MMP16: variants seen among roughly 807,000 people sequenced by gnomAD.
The protein encoded by MMP16 is matrix metallopeptidase 16, also known as matrix metalloproteinase-16.
MMP16 carries 12 observed loss-of-function variants against 67.8 expected under a neutral mutation model. The ratio of observed to expected loss-of-function variants is 0.18; its 90% CI spans 0.11 to 0.29. MMP16 has a LOEUF of 0.29. MMP16 is among the 10% of genes least tolerant of loss of function. The pLI, the probability that MMP16 is intolerant of heterozygous loss-of-function variation, is 1.00. For synonymous variants in MMP16, 249 were observed against 255.9 expected (o/e 0.97, Z 0.26); for missense variants, 475 against 765.7 (o/e 0.62, Z 4.48).
rs563677643 is a variant in MMP16 at position 88,108,053 on chromosome 8, A to T, written c.1083+8454T>A. 4.0e-5 allele frequency among the ~76,000 whole-genome samples: 6 copies of T among 151,292 alleles called. No homozygotes were observed. The East Asian group carries it at 1.2e-3, about 30-fold the overall frequency. ...GGTGGAATATGAAACTTTTATCAAT[A>T]ATAAAAAATAGGATAAAGCTAGGCT... is the stretch of plus-strand genomic sequence containing the variant. On this transcript the variant is annotated intron_variant, in intron 6 of 9. Transcript: ENST00000286614.
At chr8:88,297,706 G>A (rs1036043969) in intron 1 of MMP16, among the ~76,000 whole-genome samples, 17 of 152,278 alleles carry the variant, frequency 1.1e-4, no homozygotes, top group African/African-American at 3.4e-4. Flanking sequence ...TCCAGTTCTC[G>A]CTTTCACATT....
At chr8:88,208,640 C>A (rs1809465729) in intron 1 of MMP16, among the ~76,000 whole-genome samples, 1 of 151,976 alleles carries the variant, frequency 6.6e-6, no homozygotes, top group African/African-American at 2.4e-5. Context: ...GAGAGAAAAT[C>A]ATGAGAGTCT....
intron 7 of MMP16, chr8:88,069,125 G>A: frequency 4.4e-6 from 1 of 228,480 alleles, no homozygotes; most frequent in Non-Finnish European, 8.6e-6. Flanking sequence ...GATCGGGATT[G>A]CACTGAATGT....
intron 6 of MMP16, among the ~76,000 whole-genome samples, chr8:88,102,513 C>G (rs899609898): frequency 5.3e-5 from 8 of 151,726 alleles, no homozygotes. Flanking sequence ...CAAACCCTGT[C>G]CATTTTGGTT....
intron 4 of MMP16, among the ~76,000 whole-genome samples, chr8:88,119,400 A>G (rs760569133): frequency 1.1e-4 from 16 of 152,100 alleles, no homozygotes; most frequent in Non-Finnish European, 1.3e-4. Flanking sequence ...GCTAGCATAG[A>G]ATAAAGAAAC....
intron 1 of MMP16, among the ~76,000 whole-genome samples, chr8:88,319,370 T>C (rs919964381): frequency 9.9e-5 from 15 of 152,092 alleles, no homozygotes; most frequent in Non-Finnish European, 1.6e-4. Flanking sequence ...AATGTGACTT[T>C]TCATAATTTT....
At chr8:88,232,976 C>G (rs1809884989) in intron 1 of MMP16, among the ~76,000 whole-genome samples, 2 of 152,256 alleles carry the variant, frequency 1.3e-5, no homozygotes, top group Middle Eastern at 6.8e-3. Context: ...ATTCTGAAGT[C>G]AGGGGATCAA....
intron 6 of MMP16, among the ~76,000 whole-genome samples, chr8:88,088,094 G>GATATCTATATATCTATATAATAC (rs1808872882): frequency 7.2e-6 from 1 of 138,442 alleles, no homozygotes; most frequent in Non-Finnish European, 1.5e-5. Context: ...ATATATAATA[G>GATATCTATATATCTATATAATAC]ATATCTGCTG....
At chr8:88,174,789 C>T (rs1338215114) in intron 3 of MMP16, among the ~76,000 whole-genome samples, 1 of 148,388 alleles carries the variant, frequency 6.7e-6, no homozygotes, top group Non-Finnish European at 1.5e-5. Context: ...GAGTCTCAGT[C>T]TCTTGTCCAG....
intron 4 of MMP16, among the ~76,000 whole-genome samples, chr8:88,146,236 T>A (rs1808287847): frequency 6.6e-6 from 1 of 152,014 alleles, no homozygotes; most frequent in South Asian, 2.1e-4. Context: ...ATGATATTAG[T>A]AATTATAATT....
intron 4 of MMP16, among the ~76,000 whole-genome samples, chr8:88,148,023 A>T (rs774562657): frequency 2.6e-5 from 4 of 152,058 alleles, no homozygotes; most frequent in Non-Finnish European, 5.9e-5. Flanking sequence ...TACTCTCTAT[A>T]CTGCAAATTG....
intron 8 of MMP16, among the ~76,000 whole-genome samples, chr8:88,048,811 T>A (rs996399162): frequency 4.6e-5 from 7 of 152,204 alleles, no homozygotes; most frequent in African/African-American, 1.7e-4. Context: ...TTTAAAAAAA[T>A]TATCTTTGAC....
chr8:88,105,530 C>T (rs113629201), intron 6 of MMP16, among the ~76,000 whole-genome samples: 1 of 151,346 alleles, frequency 6.6e-6, no homozygotes, highest in Non-Finnish European at 1.5e-5. Flanking sequence ...GTGTAAGAAG[C>T]ATAGTGATGG....
intron 1 of MMP16, among the ~76,000 whole-genome samples, chr8:88,236,712 G>A (rs1264915890): frequency 1.3e-5 from 2 of 152,110 alleles, no homozygotes; most frequent in Non-Finnish European, 2.9e-5. Flanking sequence ...TCGCACCACT[G>A]CACTCCAGCC....
chr8:88,327,460 T>G lies in MMP16; in HGVS notation c.-254A>C, dbSNP rs975133024. 7.1e-5 allele frequency: 33 copies of G among 467,188 alleles called. No homozygotes were observed. The highest frequency in any genetic ancestry group is 6.2e-4 in the African/African-American group (31 of 50,086). 28.9% of individuals were successfully genotyped at this position (467,188 alleles called of 1,614,324 possible). A position where few individuals can be genotyped will look rare whatever the true frequency, so the allele number is the denominator to read the frequency against. ...GGTCAGTCACCGGGAACGTGGCGCC[T>G]AAGTTCACCGGCGGTTCCGGCTCAA... On this transcript the variant is annotated 5_prime_UTR_variant, in exon 1 of 10. Transcript: ENST00000286614.
At chr8:88,052,014 TA>T (rs1473325423) in intron 8 of MMP16, among the ~76,000 whole-genome samples, 3 of 152,228 alleles carry the variant, frequency 2.0e-5, no homozygotes, top group Non-Finnish European at 4.4e-5. Context: ...CAGATTTATT[TA>T]AAGAACCGTC....
chr8:88,148,871 A>ATAGGAACAGCTCC (rs982430610), intron 4 of MMP16, among the ~76,000 whole-genome samples: 3 of 152,246 alleles, frequency 2.0e-5, no homozygotes, highest in African/African-American at 7.2e-5. Flanking sequence ...AGATGGCCGA[A>ATAGGAACAGCTCC]TAGGAACAGC....
chr8:88,215,592 G>A lies in MMP16; in HGVS notation c.133-18286C>T, dbSNP rs144947851. Among the ~76,000 whole-genome samples, 582 of 152,170 alleles carry A rather than the reference G, an allele frequency of 3.8e-3. 4 individuals are homozygous for A. Among genetic ancestry groups the A allele is most frequent in the African/African-American group, 0.013 (552 of 41,530 alleles). ...TAACCTCAATGCCGTTCTCTACGGT[G>A]CCACATTTCTTGGGCAGTTAATTAC... On this transcript the variant is annotated intron_variant, in intron 1 of 9. Coordinates refer to ENST00000286614, the MANE Select transcript of MMP16 (RefSeq NM_005941.5).
At chr8:88,272,393 T>C (rs1342055161) in intron 1 of MMP16, among the ~76,000 whole-genome samples, 3 of 152,202 alleles carry the variant, frequency 2.0e-5, no homozygotes, top group Admixed American at 6.5e-5. Context: ...ATATGTGCTA[T>C]AACAGAATCC....
Sources: allele counts gnomAD v4.1 joint callset (sites outside exome capture counted in the v4.1 genomes callset), GRCh38; gene constraint gnomAD v4.1.1; transcripts MANE v1.5; gene names NCBI Gene and HGNC (gene_info 2026-07-23, HGNC 2026-07-21).